TRPC5OS: variants seen among roughly 807,000 people sequenced by gnomAD.
TRPC5OS encodes the protein putative uncharacterized protein TRPC5OS.
For missense variants in TRPC5OS, 64 were observed against 79.3 expected, an observed-to-expected ratio of 0.81 and a Z score of 0.73; for synonymous variants, 30 against 29.3, an observed-to-expected ratio of 1.02 and a Z score of -0.08.
chrX:111,900,167 A>G (rs1391052907), intron 3 of TRPC5OS, among the ~76,000 whole-genome samples: 1 of 112,040 alleles, frequency 8.9e-6, no homozygotes, highest in African/African-American at 3.2e-5. Flanking sequence ...CAAGGATTAT[A>G]GTCAGCTGAA....
At chrX:111,889,234 G>C (rs1296913382) in intron 1 of TRPC5OS, among the ~76,000 whole-genome samples, 1 of 111,553 alleles carries the variant, frequency 9.0e-6, no homozygotes, top group Non-Finnish European at 1.9e-5. Flanking sequence ...AGTAAGATGA[G>C]ACGGAGAGCT....
intron 1 of TRPC5OS, among the ~76,000 whole-genome samples, chrX:111,878,645 G>A (rs1924068415): frequency 9.0e-6 from 1 of 111,389 alleles, no homozygotes; most frequent in Non-Finnish European, 1.9e-5. Flanking sequence ...CCCCTCAATC[G>A]TGACAACCAA....
intron 1 of TRPC5OS, among the ~76,000 whole-genome samples, chrX:111,884,924 A>T (rs901585190): frequency 1.8e-5 from 2 of 112,467 alleles, no homozygotes; most frequent in Non-Finnish European, 3.8e-5. Context: ...ACTTTAGTTA[A>T]GTTCTAGCCA....
chrX:111,884,208 G>T (rs1421595191), intron 1 of TRPC5OS, among the ~76,000 whole-genome samples: 1 of 112,471 alleles, frequency 8.9e-6, no homozygotes. Context: ...TAACTGACTT[G>T]GTTAAGGTAT....
intron 1 of TRPC5OS, among the ~76,000 whole-genome samples, chrX:111,881,594 A>G (rs1250564060): frequency 1.8e-5 from 2 of 111,397 alleles, no homozygotes; most frequent in African/African-American, 6.5e-5. Flanking sequence ...TGTTACATAC[A>G]TGAGTATCCC....
intron 1 of TRPC5OS, among the ~76,000 whole-genome samples, chrX:111,891,443 AGCT>A (rs754402259): frequency 8.9e-6 from 1 of 112,377 alleles, no homozygotes; most frequent in South Asian, 3.7e-4. Context: ...GCTACTAACC[AGCT>A]GTGCAATCTT....
chrX:111,898,882 A>G (rs1184502882), intron 3 of TRPC5OS, among the ~76,000 whole-genome samples: 1 of 110,058 alleles, frequency 9.1e-6, no homozygotes, highest in Non-Finnish European at 1.9e-5. Flanking sequence ...TCCCCCACCA[A>G]GGAGAAAGGG....
In TRPC5OS at chrX:111,887,720, T is replaced by A. The variant is rs1407934512; in HGVS notation, c.-545-8231T>A. Among the ~76,000 whole-genome samples the A allele has an allele frequency of 1.1e-4, 12 of 111,781 alleles. No homozygotes were observed. The South Asian group carries it at 4.5e-3, about 42-fold the overall frequency. On this transcript the variant is annotated intron_variant, in intron 1 of 3. Transcript: ENST00000635763. ...ATACCATGTGAAAGCACTAGAAACA[T>A]AAAACGCTATAAAAATGTAAGGAAT...
Position 111,903,989 on chromosome X carries a change from A to G in TRPC5OS, c.*1804A>G, listed in dbSNP as rs1286211096. ...TAAACTTTCATTCACAAATCAAAAA[A>G]ACGTGTGGTCATCTTAAATTACCTG... On this transcript the variant is annotated 3_prime_UTR_variant, in exon 4 of 4. Coordinates refer to ENST00000635763, the MANE Select transcript of TRPC5OS (RefSeq NM_001195578.2). The G allele has an allele frequency of 8.9e-6, 1 of 112,274 alleles. No homozygotes were observed. Among genetic ancestry groups the G allele is most frequent in the Admixed American group, 9.4e-5 (1 of 10,583 alleles). The allele number at this position is 112,274 out of a possible 1,213,427, so 9.3% of individuals were successfully genotyped here.
chrX:111,899,095 T>G (rs966044540), intron 3 of TRPC5OS, among the ~76,000 whole-genome samples: 5 of 110,257 alleles, frequency 4.5e-5, no homozygotes, highest in African/African-American at 1.6e-4. Flanking sequence ...AGTTTCTCCT[T>G]GCCCTCTCCT....
At chrX:111,890,496 A>T (rs957575000) in intron 1 of TRPC5OS, among the ~76,000 whole-genome samples, 3 of 111,538 alleles carry the variant, frequency 2.7e-5, no homozygotes, top group Non-Finnish European at 5.7e-5. Context: ...ACCATTTCAT[A>T]TCAGGGACTT....
intron 1 of TRPC5OS, among the ~76,000 whole-genome samples, chrX:111,878,642 A>G (rs116178159): frequency 0.054 from 5,996 of 111,055 alleles, 403 homozygotes; most frequent in African/African-American, 0.19. Flanking sequence ...CCTCCCCTCA[A>G]TCGTGACAAC....
At chrX:111,885,714 C>T (rs1282347277) in intron 1 of TRPC5OS, among the ~76,000 whole-genome samples, 1 of 111,008 alleles carries the variant, frequency 9.0e-6, no homozygotes, top group African/African-American at 3.3e-5. Flanking sequence ...GAATAAGTAC[C>T]TTCTGCAATG....
At chrX:111,894,861 C>A (rs1257381697) in intron 1 of TRPC5OS, among the ~76,000 whole-genome samples, 1 of 111,578 alleles carries the variant, frequency 9.0e-6, no homozygotes, top group African/African-American at 3.3e-5. Context: ...CAGAAGGCTT[C>A]CTCATATCCC....
intron 1 of TRPC5OS, among the ~76,000 whole-genome samples, chrX:111,882,477 T>A (rs1924272046): frequency 8.9e-6 from 1 of 112,631 alleles, no homozygotes; most frequent in African/African-American, 3.2e-5. Context: ...GAGGTGATCC[T>A]TACGAAAGAG....
intron 1 of TRPC5OS, among the ~76,000 whole-genome samples, chrX:111,895,487 T>C (rs1925021014): frequency 8.9e-6 from 1 of 111,897 alleles, no homozygotes; most frequent in African/African-American, 3.3e-5. Flanking sequence ...TGTGGTTGGC[T>C]TTTTATCCTC....
At chrX:111,891,847 G>A (rs1050557312) in intron 1 of TRPC5OS, among the ~76,000 whole-genome samples, 4 of 111,983 alleles carry the variant, frequency 3.6e-5, no homozygotes, top group African/African-American at 6.5e-5. Context: ...GCGCTTGGCC[G>A]CTACACAGGA....
chrX:111,879,795 A>G (rs1207944086), intron 1 of TRPC5OS, among the ~76,000 whole-genome samples: 1 of 112,664 alleles, frequency 8.9e-6, no homozygotes, highest in East Asian at 2.8e-4. Flanking sequence ...TGCCAGGGGC[A>G]TATAGCTACA....
intron 1 of TRPC5OS, among the ~76,000 whole-genome samples, chrX:111,895,647 A>C (rs1398510095): frequency 9.1e-6 from 1 of 110,041 alleles, no homozygotes; most frequent in Non-Finnish European, 1.9e-5. Flanking sequence ...CCTATGATTC[A>C]TTTCAAATCA....
Sources: allele counts gnomAD v4.1 joint callset (sites outside exome capture counted in the v4.1 genomes callset), GRCh38; gene constraint gnomAD v4.1.1; transcripts MANE v1.5; gene names NCBI Gene and HGNC (gene_info 2026-07-23, HGNC 2026-07-21).